Variants in MEF2A observed in about 807,000 individuals in gnomAD.
MEF2A encodes the protein myocyte enhancer factor 2A.
In MEF2A, 28 loss-of-function variants were observed where a neutral mutation model predicts 55.8. The ratio of observed to expected loss-of-function variants is 0.50; its 90% confidence interval spans 0.37 to 0.69. The LOEUF (loss-of-function observed/expected upper bound fraction) is 0.69, where lower values mean the gene tolerates loss of function less well. Among genes scored for constraint, MEF2A ranks in the 30% least tolerant of loss-of-function variants. The pLI is 0.00. For missense variants in MEF2A, 528 were observed against 626.2 expected, an observed-to-expected ratio of 0.84 and a Z score of 1.67; for synonymous variants, 239 against 227.1, an observed-to-expected ratio of 1.05 and a Z score of -0.47.
At chr15:99,581,927 C>T (rs1966055282) in intron 1 of MEF2A, among the ~76,000 whole-genome samples, 1 of 151,938 alleles carries the variant, frequency 6.6e-6, no homozygotes, top group Non-Finnish European at 1.5e-5. Flanking sequence ...AGAGCCAAAA[C>T]AGAAAAAGAA....
chr15:99,568,061 A>C (rs1960516574), intron 1 of MEF2A, among the ~76,000 whole-genome samples: 1 of 152,168 alleles, frequency 6.6e-6, no homozygotes, highest in Non-Finnish European at 1.5e-5. Flanking sequence ...AAACGCAATT[A>C]TTTGCTTACC....
At chr15:99,617,350 T>A (rs1361785541) in intron 2 of MEF2A, among the ~76,000 whole-genome samples, 2 of 152,178 alleles carry the variant, frequency 1.3e-5, no homozygotes, top group East Asian at 3.8e-4. Flanking sequence ...CATTTTGACT[T>A]AGATGATTTT....
intron 11 of MEF2A, among the ~76,000 whole-genome samples, chr15:99,711,860 G>A (rs2058672753): frequency 6.6e-6 from 1 of 152,206 alleles, no homozygotes; most frequent in South Asian, 2.1e-4. Context: ...AAGTGGAAAG[G>A]GCTCAGAGCC....
chr15:99,669,586 G>C (rs1023627628), intron 4 of MEF2A, among the ~76,000 whole-genome samples: 7 of 152,218 alleles, frequency 4.6e-5, no homozygotes, highest in African/African-American at 1.7e-4. Flanking sequence ...GAAAATGTTG[G>C]AGAAATAGAT....
intron 4 of MEF2A, among the ~76,000 whole-genome samples, chr15:99,659,703 C>CT (rs1313146822): frequency 6.6e-6 from 1 of 152,092 alleles, no homozygotes; most frequent in African/African-American, 2.4e-5. Flanking sequence ...TCTCTTTTAA[C>CT]TTTAATATTC....
chr15:99,708,255 T>A (rs2058255894), intron 10 of MEF2A, among the ~76,000 whole-genome samples: 1 of 152,194 alleles, frequency 6.6e-6, no homozygotes. Context: ...GTTGTGATTG[T>A]GAATTTATAC....
At chr15:99,614,532 C>G (rs1245689865) in intron 2 of MEF2A, among the ~76,000 whole-genome samples, 3 of 152,210 alleles carry the variant, frequency 2.0e-5, no homozygotes, top group African/African-American at 7.2e-5. Context: ...ATACAACAGA[C>G]TTGATCTTCT....
At chr15:99,697,772 T>C (rs1282826592) in intron 8 of MEF2A, among the ~76,000 whole-genome samples, 1 of 152,172 alleles carries the variant, frequency 6.6e-6, no homozygotes, top group Non-Finnish European at 1.5e-5. Context: ...GCTAGAATGA[T>C]TTTAAGAAGG....
chr15:99,646,562 T>C (rs2045993153), intron 4 of MEF2A, among the ~76,000 whole-genome samples: 1 of 152,148 alleles, frequency 6.6e-6, no homozygotes, highest in Non-Finnish European at 1.5e-5. Flanking sequence ...TAGTTTGTAA[T>C]AGAAAAGTAT....
At chr15:99,671,046 T>A (rs2050769292) in intron 4 of MEF2A, among the ~76,000 whole-genome samples, 2 of 152,228 alleles carry the variant, frequency 1.3e-5, no homozygotes, top group South Asian at 4.1e-4. Flanking sequence ...GTTTTAACTG[T>A]GAGAGCAGTG....
chr15:99,567,505 C>T (rs1960179628), intron 1 of MEF2A, among the ~76,000 whole-genome samples: 1 of 152,080 alleles, frequency 6.6e-6, no homozygotes, highest in Admixed American at 6.6e-5. Flanking sequence ...CTTGAACAGT[C>T]TGTGGAAAAG....
intron 10 of MEF2A, 70 bp downstream of exon 10, chr15:99,706,925 A>AT (rs915147148): frequency 8.0e-5 from 120 of 1,495,472 alleles, no homozygotes; most frequent in African/African-American, 4.4e-4. Flanking sequence ...TGCTTCTGTG[A>AT]TTTTTTTTAA....
intron 5 of MEF2A, 134 bp from the exon 6 acceptor site, chr15:99,674,259 G>C (rs2051456785): frequency 1.0e-5 from 7 of 700,852 alleles, no homozygotes; most frequent in Middle Eastern, 4.1e-4. Flanking sequence ...GCTTTAATCT[G>C]TAAATTGGTT....
chr15:99,698,421 A>G (rs1038176306), intron 8 of MEF2A, among the ~76,000 whole-genome samples: 5 of 152,390 alleles, frequency 3.3e-5, no homozygotes, highest in Non-Finnish European at 5.9e-5. Flanking sequence ...AATATGCTCA[A>G]TATTATCAGG....
chr15:99,656,654 G>A (rs1160010448), intron 4 of MEF2A, among the ~76,000 whole-genome samples: 1 of 152,130 alleles, frequency 6.6e-6, no homozygotes, highest in Admixed American at 6.6e-5. Flanking sequence ...GGTTAATACT[G>A]TAGTAGTACT....
At chr15:99,653,433 T>G (rs931650750) in intron 4 of MEF2A, among the ~76,000 whole-genome samples, 1 of 152,212 alleles carries the variant, frequency 6.6e-6, no homozygotes, top group African/African-American at 2.4e-5. Flanking sequence ...TTTACAATTA[T>G]GCAATCAGTG....
At chr15:99,699,107 C>CT (rs1217269329) in intron 8 of MEF2A, among the ~76,000 whole-genome samples, 1 of 151,844 alleles carries the variant, frequency 6.6e-6, no homozygotes, top group Non-Finnish European at 1.5e-5. Context: ...TAATGCCACT[C>CT]TTTGAGTATT....
At chr15:99,593,728 T>C (rs1012410915) in intron 1 of MEF2A, among the ~76,000 whole-genome samples, 1 of 152,218 alleles carries the variant, frequency 6.6e-6, no homozygotes, top group Non-Finnish European at 1.5e-5. Flanking sequence ...TGAACACTGA[T>C]TGAAGTCATT....
At chr15:99,594,774 T>C (rs1037717061) in intron 1 of MEF2A, among the ~76,000 whole-genome samples, 1 of 152,224 alleles carries the variant, frequency 6.6e-6, no homozygotes, top group African/African-American at 2.4e-5. Context: ...TGTGTGATAT[T>C]GTATAATTTT....
Sources: gnomAD v4.1 joint callset for allele counts (sites outside exome capture counted in the v4.1 genomes callset) on GRCh38, gnomAD v4.1.1 for gene constraint, MANE v1.5 for transcripts, NCBI Gene and HGNC (gene_info 2026-07-23, HGNC 2026-07-21) for gene names.